MSRB3: variants seen among roughly 807,000 people sequenced by gnomAD.
MSRB3 encodes the protein methionine-R-sulfoxide reductase B3.
MSRB3 carries 13 observed loss-of-function variants against 21.0 expected under a neutral mutation model. That is an observed-to-expected ratio of 0.62 (90% CI 0.40 to 0.98). The LOEUF (loss-of-function observed/expected upper bound fraction) is 0.98. Ranked by LOEUF, MSRB3 falls within the 50% of genes least tolerant of loss-of-function variation. The pLI is 0.00. For synonymous variants in MSRB3, 87 were observed against 88.6 expected (o/e 0.98, Z 0.10); for missense variants, 199 against 230.3 (o/e 0.86, Z 0.88).
At chr12:65,352,757 G>A (rs1259526478) in intron 4 of MSRB3, among the ~76,000 whole-genome samples, 1 of 146,096 alleles carries the variant, frequency 6.8e-6, no homozygotes, top group Non-Finnish European at 1.5e-5. Context: ...CAACTTACAA[G>A]GGATGTGAAG....
rs1367749069 is a variant in MSRB3, at chr12:65,289,320, C to A, written c.-52+10455C>A. On this transcript the variant is annotated intron_variant, in intron 1 of 6. Transcript: ENST00000308259. ...GGCTAGCCTGGCTAACAAGGCAAAA[C>A]CCTGTCTCTACTAAAAATACAAAAG... Among the ~76,000 whole-genome samples, 6 of 152,094 alleles carry A rather than the reference C, an allele frequency of 3.9e-5. No homozygotes were observed. The South Asian group carries it at 1.0e-3, about 26-fold the overall frequency.
chr12:65,366,387 G>A (rs1878016918), intron 4 of MSRB3, among the ~76,000 whole-genome samples: 1 of 152,134 alleles, frequency 6.6e-6, no homozygotes, highest in South Asian at 2.1e-4. Flanking sequence ...AAGGCCATTT[G>A]GGTAGAGAAT....
chr12:65,300,659 C>A (rs574452263), intron 1 of MSRB3, among the ~76,000 whole-genome samples: 2 of 152,302 alleles, frequency 1.3e-5, no homozygotes, highest in East Asian at 3.9e-4. Context: ...AACAAATAGC[C>A]CCCAAATCCC....
intron 5 of MSRB3, among the ~76,000 whole-genome samples, chr12:65,436,568 G>A (rs1203045424): frequency 6.6e-6 from 1 of 151,692 alleles, no homozygotes; most frequent in African/African-American, 2.4e-5. Flanking sequence ...ACCCTGATTT[G>A]GGTGTTATAG....
chr12:65,294,582 G>A (rs921313380), intron 1 of MSRB3, among the ~76,000 whole-genome samples: 9 of 152,112 alleles, frequency 5.9e-5, no homozygotes, highest in African/African-American at 2.2e-4. Context: ...TTGTCCTTGT[G>A]CATGTGTGCA....
intron 1 of MSRB3, among the ~76,000 whole-genome samples, chr12:65,289,635 G>T (rs183941331): frequency 6.6e-6 from 1 of 152,254 alleles, no homozygotes; most frequent in East Asian, 1.9e-4. Flanking sequence ...TGGGAGTTTG[G>T]TGTACAGATA....
intron 2 of MSRB3, among the ~76,000 whole-genome samples, chr12:65,326,224 A>C (rs1592527186): frequency 6.6e-6 from 1 of 152,306 alleles, no homozygotes; most frequent in African/African-American, 2.4e-5. Context: ...CTTTGAAGAG[A>C]TATACAGAAT....
intron 2 of MSRB3, 25 bp downstream of exon 2, chr12:65,308,680 A>G (rs2136423232): frequency 1.2e-6 from 2 of 1,613,790 alleles, no homozygotes; most frequent in African/African-American, 1.3e-5. Flanking sequence ...TACTGTACAT[A>G]GTGAAGGCAC....
chr12:65,332,501 G>T (rs1875494041), intron 4 of MSRB3, among the ~76,000 whole-genome samples: 1 of 152,084 alleles, frequency 6.6e-6, no homozygotes. Context: ...TGGGGTGAGT[G>T]GGGAGGGAAA....
intron 5 of MSRB3, among the ~76,000 whole-genome samples, chr12:65,408,371 G>A (rs1394110718): frequency 6.6e-6 from 1 of 152,162 alleles, no homozygotes; most frequent in Non-Finnish European, 1.5e-5. Flanking sequence ...GGGATTACAG[G>A]CGTGAGCCAC....
rs11175771 is a variant in MSRB3 at position 65,460,306 on chromosome 12, G to A, written c.391-2849G>A. Among the ~76,000 whole-genome samples, 863 of 152,324 alleles carry A rather than the reference G, an allele frequency of 5.7e-3. 30 individuals are homozygous for A. The highest frequency in any genetic ancestry group is 0.044 in the Admixed American group (666 of 15,300). Reference sequence around the variant, plus strand: ...TATCCTCCCAGCTTTCCCAAGGCTAGAAGCTGCAAAGAATGGGCTCCGTGC... The same window carrying A: ...TATCCTCCCAGCTTTCCCAAGGCTAAAAGCTGCAAAGAATGGGCTCCGTGC... On this transcript the variant is annotated intron_variant, in intron 6 of 6. Transcript: ENST00000308259.
intron 5 of MSRB3, chr12:65,419,424 C>T (rs1450686965): frequency 3.9e-5 from 29 of 748,684 alleles, no homozygotes; most frequent in Admixed American, 2.2e-4. Context: ...TCTCTGTCTT[C>T]AGCTGCAGCT....
chr12:65,320,651 A>G (rs1325218766), intron 2 of MSRB3, among the ~76,000 whole-genome samples: 1 of 152,220 alleles, frequency 6.6e-6, no homozygotes, highest in Non-Finnish European at 1.5e-5. Flanking sequence ...CTGCACTCTG[A>G]TCATACGTTG....
At chr12:65,381,984 A>G (rs2136560038) in intron 5 of MSRB3, among the ~76,000 whole-genome samples, 1 of 152,194 alleles carries the variant, frequency 6.6e-6, no homozygotes, top group Non-Finnish European at 1.5e-5. Flanking sequence ...ACACAATAGC[A>G]TGTAATAATG....
intron 1 of MSRB3, among the ~76,000 whole-genome samples, chr12:65,302,098 T>C (rs762071435): frequency 3.0e-4 from 45 of 152,262 alleles, no homozygotes; most frequent in Non-Finnish European, 5.7e-4. Context: ...TTATTTTTAA[T>C]GGAGTAAACA....
intron 5 of MSRB3, among the ~76,000 whole-genome samples, chr12:65,385,158 A>G (rs1208343073): frequency 1.3e-5 from 2 of 152,164 alleles, no homozygotes; most frequent in African/African-American, 4.8e-5. Flanking sequence ...AAACAAATAC[A>G]TCAGCCTGTC....
intron 6 of MSRB3, among the ~76,000 whole-genome samples, chr12:65,456,123 T>C (rs1024968286): frequency 1.3e-5 from 2 of 152,232 alleles, no homozygotes; most frequent in Non-Finnish European, 2.9e-5. Context: ...ATGGCTTACA[T>C]TAATTTGTAA....
At chr12:65,389,817 G>A (rs1879381412) in intron 5 of MSRB3, among the ~76,000 whole-genome samples, 1 of 152,208 alleles carries the variant, frequency 6.6e-6, no homozygotes, top group African/African-American at 2.4e-5. Context: ...CACACAGGCT[G>A]CATGGCCCTG....
chr12:65,323,095 A>G (rs1054985805), intron 2 of MSRB3, among the ~76,000 whole-genome samples: 1 of 152,192 alleles, frequency 6.6e-6, no homozygotes, highest in Non-Finnish European at 1.5e-5. Context: ...AATTCACTGT[A>G]ATCAAAATGA....
Sources: allele counts gnomAD v4.1 joint callset (sites outside exome capture counted in the v4.1 genomes callset), GRCh38; gene constraint gnomAD v4.1.1; transcripts MANE v1.5; gene names NCBI Gene and HGNC (gene_info 2026-07-23, HGNC 2026-07-21).